Variants in TNFSF18 observed in about 807,000 individuals in gnomAD.
The protein encoded by TNFSF18 is tumor necrosis factor ligand superfamily member 18.
TNFSF18 carries 6 observed loss-of-function variants against 9.6 expected under a neutral mutation model. That is an observed-to-expected ratio of 0.63 (90% CI 0.34 to 1.24). The LOEUF is 1.24. Ranked by LOEUF, TNFSF18 falls within the 50% of genes most tolerant of loss-of-function variation. TNFSF18 has a pLI of 0.03. For synonymous variants in TNFSF18, 68 were observed against 71.7 expected, an observed-to-expected ratio of 0.95 and a Z score of 0.26; for missense variants, 210 against 201.0, an observed-to-expected ratio of 1.04 and a Z score of -0.27.
At chr1:173,047,018 G>A (rs1479331600) in intron 1 of TNFSF18, among the ~76,000 whole-genome samples, 9 of 151,946 alleles carry the variant, frequency 5.9e-5, no homozygotes, top group African/African-American at 1.9e-4. Context: ...TCAGCCCCCT[G>A]AGTAGCTGGG....
chr1:173,041,383 G>T lies in TNFSF18; in HGVS notation c.518C>A (p.Pro173His), dbSNP rs1664987246. 6 of 1,607,702 alleles carry T rather than the reference G, an allele frequency of 3.7e-6. No individual in the cohort carries two copies. The highest frequency in any genetic ancestry group is 5.1e-6 in the Non-Finnish European group (6 of 1,176,628). The change falls in exon 3 of 3, where the codon CCC becomes CAC. Residue 173 changes from proline to histidine, a missense_variant. Physicochemically the swap from Pro to His is moderately conservative, Grantham distance 77. Coordinates refer to ENST00000404377, the MANE Select transcript of TNFSF18 (RefSeq NM_005092.4). ...TYWGIILLAN[P>H]QFIS ...ATCAAGTCTCTAGGAGATGAATTGG[G>T]GATTTGCTAGTAAAATGATACCCCA... is the stretch of plus-strand genomic sequence containing the variant.
At position 173,039,684 on chromosome 1, in the gene TNFSF18, A is replaced by C. The variant is rs945554596; in HGVS notation, c.*1683T>G. ...CAGCACACATTGCTTATAACACAAC[A>C]AAGATCAAGAACACCAAGATTTTAT... On this transcript the variant is annotated 3_prime_UTR_variant, in exon 3 of 3. Coordinates refer to ENST00000404377, the MANE Select transcript of TNFSF18 (RefSeq NM_005092.4). Among the ~76,000 whole-genome samples the C allele has an allele frequency of 1.3e-5, 2 of 152,038 alleles. No individual in the cohort carries two copies. The highest frequency in any genetic ancestry group is 2.9e-5 in the Non-Finnish European group (2 of 67,994).
intron 1 of TNFSF18, among the ~76,000 whole-genome samples, chr1:173,044,798 G>A (rs1481296326): frequency 6.6e-6 from 1 of 152,146 alleles, no homozygotes; most frequent in African/African-American, 2.4e-5. Flanking sequence ...AATGTAGTGA[G>A]ACTAGCTAAG....
At chr1:173,046,903 TG>T (rs1553199943) in intron 1 of TNFSF18, among the ~76,000 whole-genome samples, 14 of 79,806 alleles carry the variant, frequency 1.8e-4, no homozygotes, top group African/African-American at 5.7e-4. Flanking sequence ...TTGTTGTTGT[TG>T]TTTTTTGAGA....
chr1:173,041,524 G>A lies in TNFSF18; in HGVS notation c.377C>T (p.Thr126Ile), dbSNP rs751978595. The A allele has an allele frequency of 1.2e-6, 2 of 1,613,484 alleles. No individual in the cohort carries two copies. The highest frequency in any genetic ancestry group is 3.3e-5 in the Admixed American group (2 of 59,910). The change falls in exon 3 of 3, where the codon ACT becomes ATT. Residue 126 changes from threonine (T) to isoleucine (I), a missense_variant. Transcript: ENST00000404377. ...RLYKNKDMIQTLTNKSKIQNV... is the reference protein window; with the variant it reads ...RLYKNKDMIQILTNKSKIQNV... ...TTGGATTTTAGATTTGTTTGTTAGAGTTTGTATCATGTCTTTGTTTTTATA... is the reference window on the plus strand; with the variant it reads ...TTGGATTTTAGATTTGTTTGTTAGAATTTGTATCATGTCTTTGTTTTTATA...
intron 1 of TNFSF18, 59 bp from the exon 2 acceptor site, chr1:173,044,028 G>T (rs1665032893): frequency 2.0e-6 from 3 of 1,485,140 alleles, no homozygotes; most frequent in East Asian, 2.3e-5. Flanking sequence ...TAATTTTTTT[G>T]ATTGATTTAT....
intron 1 of TNFSF18, 129 bp from the exon 2 acceptor site, chr1:173,044,098 C>A: frequency 1.2e-6 from 1 of 869,094 alleles, no homozygotes. Flanking sequence ...AAATCCTTCC[C>A]TTCACCATGT....
chr1:173,043,803 A>G, intron 2 of TNFSF18, 136 bp downstream of exon 2: 1 of 841,992 alleles, frequency 1.2e-6, no homozygotes, highest in South Asian at 1.6e-5. Flanking sequence ...GCAACTGCCC[A>G]GTACATGATA....
intron 1 of TNFSF18, 146 bp from the exon 2 acceptor site, chr1:173,044,115 C>T: frequency 1.4e-6 from 1 of 739,684 alleles, no homozygotes; most frequent in Admixed American, 2.3e-5. Flanking sequence ...ATGTCTCAGC[C>T]CTCTCAGCCT....
rs1022275214 is a variant in TNFSF18, at chr1:173,040,239, G to A, written c.*1128C>T. ...TTCAGGCAGGAAAAAAAAAAAAAGT[G>A]TGCTGGTAAAGGAAAGATCTGTTGT... On this transcript the variant is annotated 3_prime_UTR_variant, in exon 3 of 3. Transcript: ENST00000404377. The A allele has an allele frequency of 2.6e-5, 4 of 151,696 alleles. No homozygotes were observed. The highest frequency in any genetic ancestry group is 9.7e-5 in the African/African-American group (4 of 41,298). The allele number at this position is 151,696 out of a possible 1,614,324, so 9.4% of individuals were successfully genotyped here.
intron 1 of TNFSF18, among the ~76,000 whole-genome samples, chr1:173,044,652 T>G (rs1665050476): frequency 6.6e-6 from 1 of 152,214 alleles, no homozygotes; most frequent in East Asian, 1.9e-4. Context: ...ACATTTTTTG[T>G]ATCACCCAAA....
intron 1 of TNFSF18, among the ~76,000 whole-genome samples, chr1:173,047,444 T>C (rs1234833384): frequency 2.6e-5 from 4 of 152,198 alleles, no homozygotes; most frequent in Admixed American, 2.0e-4. Flanking sequence ...TGGGTGATGA[T>C]GGTGATTGTA....
chr1:173,042,269 T>C (rs1483324810), intron 2 of TNFSF18, among the ~76,000 whole-genome samples: 2 of 152,210 alleles, frequency 1.3e-5, no homozygotes. Flanking sequence ...CATTTGTTTA[T>C]TGTCCATCTT....
At position 173,041,406 on chromosome 1, in the gene TNFSF18, C is replaced by A. The variant is rs1316275274; in HGVS notation, c.495G>T (p.Trp165Cys). The A allele has an allele frequency of 1.9e-6, 3 of 1,612,674 alleles. No individual in the cohort carries two copies. The highest frequency in any genetic ancestry group is 2.5e-6 in the Non-Finnish European group (3 of 1,179,260). ...GGGGATTTGCTAGTAAAATGATACC[C>A]CAGTATGTATTATTTTTTAGAACCT... The part of the protein sequence containing the change: ...EHQVLKNNTY[W>C]GIILLANPQF... The change falls in exon 3 of 3, where the codon TGG becomes TGT. Residue 165 changes from tryptophan (W) to cysteine (C), a missense_variant. Transcript: ENST00000404377.
chr1:173,047,683 T>G (rs935635033), intron 1 of TNFSF18, among the ~76,000 whole-genome samples: 6 of 152,216 alleles, frequency 3.9e-5, no homozygotes, highest in Non-Finnish European at 5.9e-5. Context: ...GTATGAGATG[T>G]GCTCAGAGAA....
intron 1 of TNFSF18, among the ~76,000 whole-genome samples, chr1:173,048,476 T>C (rs980935246): frequency 2.6e-5 from 4 of 152,166 alleles, no homozygotes; most frequent in African/African-American, 9.7e-5. Context: ...GTATCCTTCA[T>C]TTTGCTGAAG....
chr1:173,049,251 CAT>C (rs1341544029), intron 1 of TNFSF18, among the ~76,000 whole-genome samples: 1 of 152,132 alleles, frequency 6.6e-6, no homozygotes, highest in African/African-American at 2.4e-5. Context: ...ATTCCTGAGT[CAT>C]ATGTAGGAAC....
At chr1:173,044,759 T>C (rs1557845241) in intron 1 of TNFSF18, among the ~76,000 whole-genome samples, 1 of 152,332 alleles carries the variant, frequency 6.6e-6, no homozygotes, top group South Asian at 2.1e-4. Flanking sequence ...GCTGCTATGC[T>C]AGGAACAAAT....
chr1:173,047,232 G>T (rs1056667339), intron 1 of TNFSF18, among the ~76,000 whole-genome samples: 1 of 152,112 alleles, frequency 6.6e-6, no homozygotes, highest in Non-Finnish European at 1.5e-5. Context: ...GGTGTTTCCT[G>T]GAGGAGATGT....
Sources: allele counts gnomAD v4.1 joint callset (sites outside exome capture counted in the v4.1 genomes callset), GRCh38; gene constraint gnomAD v4.1.1; transcripts MANE v1.5; gene names NCBI Gene and HGNC (gene_info 2026-07-23, HGNC 2026-07-21).